The following AKAP12 variants were observed in gnomAD, a reference collection of about 807,000 sequenced individuals.
AKAP12 encodes A-kinase anchoring protein 12, also known as A-kinase anchor protein 12.
Under a neutral mutation model 79.9 loss-of-function variants are expected in AKAP12, and 32 were observed. The observed-to-expected ratio is 0.40, with a 90% CI of 0.30 to 0.54. AKAP12 has a LOEUF of 0.54. Ranked by LOEUF, AKAP12 falls within the 20% of genes least tolerant of loss-of-function variation. AKAP12 has a pLI of 0.48. For synonymous variants in AKAP12, 808 were observed against 857.0 expected (o/e 0.94, Z 1.00); for missense variants, 2,074 against 2,177.0 (o/e 0.95, Z 0.94).
Position 151,259,519 on chromosome 6 carries a change from C to T in AKAP12, c.162+18795C>T, listed in dbSNP as rs1170431743. On this transcript the variant is annotated intron_variant, in intron 2 of 4. Transcript: ENST00000402676. ...ATACATGTATATATATATACACACACACACACACACACACACACACACACA... is the reference window on the plus strand; with the variant it reads ...ATACATGTATATATATATACACACATACACACACACACACACACACACACA... Among the ~76,000 whole-genome samples, 108 of 143,952 alleles carry T rather than the reference C, an allele frequency of 7.5e-4. No homozygotes were observed. In the South Asian group the frequency reaches 0.015, roughly 20 times the overall value. 94.4% of individuals were successfully genotyped at this position (143,952 alleles called of 152,430 possible). A position where few individuals can be genotyped will look rare whatever the true frequency, so the allele number is the denominator to read the frequency against.
intron 3 of AKAP12, among the ~76,000 whole-genome samples, chr6:151,345,542 C>T (rs1453979515): frequency 5.3e-5 from 8 of 151,148 alleles, no homozygotes; most frequent in Admixed American, 5.3e-4. Flanking sequence ...CACCTGTAAT[C>T]CCAGCACTTT....
chr6:151,268,171 G>A (rs1040995110), intron 2 of AKAP12, among the ~76,000 whole-genome samples: 7 of 152,212 alleles, frequency 4.6e-5, no homozygotes, highest in Non-Finnish European at 8.8e-5. Context: ...CCAGCACTTC[G>A]GGAAGCGAAG....
At chr6:151,323,469 C>G (rs1777450213) in intron 3 of AKAP12, among the ~76,000 whole-genome samples, 1 of 151,826 alleles carries the variant, frequency 6.6e-6, no homozygotes, top group South Asian at 2.1e-4. Flanking sequence ...AGGAGAATCA[C>G]TTGAACCCGG....
intron 3 of AKAP12, among the ~76,000 whole-genome samples, chr6:151,322,308 T>C (rs59851746): frequency 0.05 from 7,680 of 152,256 alleles, 425 homozygotes; most frequent in African/African-American, 0.14. Flanking sequence ...TATTTTCATG[T>C]GCTCATTGGT....
At chr6:151,285,753 G>A (rs1473513208) in intron 2 of AKAP12, among the ~76,000 whole-genome samples, 1 of 152,126 alleles carries the variant, frequency 6.6e-6, no homozygotes, top group African/African-American at 2.4e-5. Context: ...TAGTTTCTAA[G>A]ATAATCTGTG....
Position 151,351,485 on chromosome 6 carries a change from A to G in AKAP12, c.3094A>G (p.Ile1032Val), listed in dbSNP as rs763175467. The change falls in exon 4 of 5, where the codon ATA becomes GTA. Residue 1032 changes from isoleucine to valine, a missense_variant. Physicochemically the swap from Ile to Val is conservative, Grantham distance 29. This residue lies in a region of AKAP12 where 1,428 missense variants were observed against 1,451.0 expected (regional missense o/e 0.98). Transcript: ENST00000402676. The surrounding 1 kb of genome is among the most constrained non-coding windows in gnomAD (Gnocchi z 4.4). Reference sequence around the variant, plus strand: ...GGAGGTGGAAGGTGGCGTACCTGACATAGAAGAGCAAGAGAGGCGGACTCA... The same window carrying G: ...GGAGGTGGAAGGTGGCGTACCTGACGTAGAAGAGCAAGAGAGGCGGACTCA... ...VQEVEGGVPD[I>V]EEQERRTQEV... 1 of 1,614,206 alleles carries G rather than the reference A, an allele frequency of 6.2e-7. No homozygotes were observed. The highest frequency in any genetic ancestry group is 2.2e-5 in the East Asian group (1 of 44,866).
intron 3 of AKAP12, chr6:151,319,551 T>G (rs537289304): frequency 3.0e-5 from 3 of 98,612 alleles, no homozygotes; most frequent in African/African-American, 7.4e-5. Flanking sequence ...GATATAGATA[T>G]ATATATCTAT....
chr6:151,333,955 T>C (rs992399822), intron 3 of AKAP12, among the ~76,000 whole-genome samples: 7 of 151,682 alleles, frequency 4.6e-5, no homozygotes, highest in African/African-American at 7.3e-5. Context: ...CTGGCCACCT[T>C]TGACCCATAC....
Position 151,351,110 on chromosome 6 carries a change from G to A in AKAP12, c.2719G>A (p.Glu907Lys), listed in dbSNP as rs759288131. ...CGGGACGAGGGCAGCTACCATTATT[G>A]AAGAAAGGTCTCCTTCTTGGATATC... ...ADGTRAATII[E>K]ERSPSWISAS... Residue 907 changes from glutamate (E) to lysine (K), a missense_variant, in exon 4 of 5, where the codon GAA becomes AAA. Physicochemically the swap from Glu to Lys is moderately conservative, Grantham distance 56. Transcript: ENST00000402676. The surrounding 1 kb of genome is among the most constrained non-coding windows in gnomAD (Gnocchi z 4.4). The A allele has an allele frequency of 6.2e-7, 1 of 1,614,216 alleles. No homozygotes were observed. The highest frequency in any genetic ancestry group is 8.5e-7 in the Non-Finnish European group (1 of 1,180,040).
intron 3 of AKAP12, among the ~76,000 whole-genome samples, chr6:151,333,780 A>G (rs1347055603): frequency 1.3e-5 from 2 of 151,652 alleles, no homozygotes. Context: ...CTCACCACAA[A>G]CTAGAAGGGA....
At chr6:151,332,033 G>GTTGTT (rs1303327962) in intron 3 of AKAP12, among the ~76,000 whole-genome samples, 1 of 79,690 alleles carries the variant, frequency 1.3e-5, no homozygotes, top group African/African-American at 5.4e-5. Flanking sequence ...TTCTGGGTCT[G>GTTGTT]TTTTTTTTTT....
At chr6:151,311,760 C>A (rs1275337639) in intron 3 of AKAP12, among the ~76,000 whole-genome samples, 1 of 152,202 alleles carries the variant, frequency 6.6e-6, no homozygotes, top group African/African-American at 2.4e-5. Context: ...GTGTACAGTT[C>A]CTCTGGGAAA....
intron 2 of AKAP12, among the ~76,000 whole-genome samples, chr6:151,305,065 C>G (rs970200445): frequency 6.6e-6 from 1 of 152,210 alleles, no homozygotes; most frequent in Non-Finnish European, 1.5e-5. Context: ...CTCTGCACCC[C>G]GTTTATCCTT....
chr6:151,246,551 G>C (rs750370166), intron 2 of AKAP12, among the ~76,000 whole-genome samples: 3 of 152,176 alleles, frequency 2.0e-5, no homozygotes, highest in African/African-American at 4.8e-5. Context: ...ATGGGTATCA[G>C]ATTTTCCAAT....
rs183413355 is a variant in AKAP12, at chr6:151,267,002, G to A, written c.162+26278G>A. On this transcript the variant is annotated intron_variant, in intron 2 of 4. Transcript: ENST00000402676. ...ACTGCACCAGCCTGGCGGACAGAGC[G>A]AGACTCCATCTCAAAAAAAAAAAAA... Among the ~76,000 whole-genome samples, 811 of 116,610 alleles carry A rather than the reference G, an allele frequency of 7.0e-3. 12 individuals carry two copies. Among genetic ancestry groups the A allele is most frequent in the African/African-American group, 0.025 (765 of 30,172 alleles). 76.5% of individuals were successfully genotyped at this position (116,610 alleles called of 152,430 possible).
chr6:151,302,601 T>C (rs543883881), intron 2 of AKAP12, among the ~76,000 whole-genome samples: 6 of 152,324 alleles, frequency 3.9e-5, no homozygotes, highest in Non-Finnish European at 8.8e-5. Flanking sequence ...TCAATAATTT[T>C]AGGTACTTGG....
chr6:151,305,480 G>C (rs1776958844), intron 2 of AKAP12, among the ~76,000 whole-genome samples: 1 of 152,254 alleles, frequency 6.6e-6, no homozygotes, highest in Middle Eastern at 3.4e-3. Flanking sequence ...GTCTGGAAAG[G>C]TGAATGTATG....
chr6:151,329,362 C>T (rs1489522458), intron 3 of AKAP12, among the ~76,000 whole-genome samples: 1 of 152,250 alleles, frequency 6.6e-6, no homozygotes, highest in Non-Finnish European at 1.5e-5. Context: ...GTGATCCACC[C>T]GCCTCAGCCT....
intron 2 of AKAP12, among the ~76,000 whole-genome samples, chr6:151,275,858 G>A (rs947792568): frequency 6.6e-6 from 1 of 152,146 alleles, no homozygotes; most frequent in Non-Finnish European, 1.5e-5. Context: ...GCTTATTTTT[G>A]TTGAATGGTT....
Sources: allele counts gnomAD v4.1 joint callset (sites outside exome capture counted in the v4.1 genomes callset), GRCh38; gene constraint gnomAD v4.1.1; regional missense constraint gnomAD v4.1.1; non-coding constraint Gnocchi (gnomAD v3.1); transcripts MANE v1.5; gene names NCBI Gene and HGNC (gene_info 2026-07-23, HGNC 2026-07-21).